The following ADD3 variants were observed in gnomAD, a reference collection of about 807,000 sequenced individuals.
ADD3 encodes gamma-adducin.
In ADD3, 25 loss-of-function variants were observed where a neutral mutation model predicts 80.2. The observed-to-expected ratio is 0.31, with a 90% CI of 0.23 to 0.44. ADD3 has a LOEUF of 0.44. ADD3 is among the 20% of genes least tolerant of loss of function. The probability of loss-of-function intolerance (pLI) is 1.00; values close to 1 mark genes in which losing one functional copy is unlikely to be tolerated. For synonymous variants in ADD3, 284 were observed against 289.6 expected (o/e 0.98, Z 0.20); for missense variants, 829 against 847.5 (o/e 0.98, Z 0.27).
At chr10:110,004,651 T>C (rs543857806), upstream of ADD3, among the ~76,000 whole-genome samples, 10 of 151,962 alleles carry the variant, frequency 6.6e-5, no homozygotes, top group South Asian at 2.1e-3. Flanking sequence ...CTTTACAAAA[T>C]AGGGAACTAA....
At chr10:110,022,408 G>A (rs1335556035) in intron 1 of ADD3, among the ~76,000 whole-genome samples, 1 of 151,904 alleles carries the variant, frequency 6.6e-6, no homozygotes, top group Non-Finnish European at 1.5e-5. Context: ...ATACTGGGTT[G>A]GCTAAAATAT....
At chr10:110,022,022 G>T (rs146679919) in intron 1 of ADD3, among the ~76,000 whole-genome samples, 1 of 152,124 alleles carries the variant, frequency 6.6e-6, no homozygotes, top group Non-Finnish European at 1.5e-5. Context: ...AAGAATTACC[G>T]CACTCAACCT....
At chr10:110,097,412 A>G (rs1218263775) in intron 1 of ADD3, among the ~76,000 whole-genome samples, 2 of 152,128 alleles carry the variant, frequency 1.3e-5, no homozygotes, top group African/African-American at 2.4e-5. Context: ...TTTGTCTTAT[A>G]TTGGATTAAT....
intron 1 of ADD3, among the ~76,000 whole-genome samples, chr10:110,072,103 C>T (rs987443566): frequency 6.6e-6 from 1 of 152,152 alleles, no homozygotes; most frequent in Non-Finnish European, 1.5e-5. Flanking sequence ...TCTCTGTCAC[C>T]CAGGCTGGAG....
chr10:110,128,394 G>A (rs187479830), intron 12 of ADD3, among the ~76,000 whole-genome samples: 21 of 151,268 alleles, frequency 1.4e-4, no homozygotes, highest in Non-Finnish European at 3.0e-4. Flanking sequence ...TTATTTTGAT[G>A]TTAACTTTTT....
chr10:110,042,820 G>A (rs1386866860), intron 1 of ADD3, among the ~76,000 whole-genome samples: 2 of 151,168 alleles, frequency 1.3e-5, no homozygotes, highest in Non-Finnish European at 1.5e-5. Context: ...TTACAGTAAT[G>A]GTAAAGCAGT....
intron 1 of ADD3, among the ~76,000 whole-genome samples, chr10:110,024,015 A>C (rs78436914): frequency 0.011 from 1,741 of 152,300 alleles, 28 homozygotes; most frequent in African/African-American, 0.037. Flanking sequence ...GGACTACTAG[A>C]GGCAGAAGAG....
intron 1 of ADD3, among the ~76,000 whole-genome samples, chr10:110,049,464 C>T (rs148043807): frequency 6.6e-5 from 10 of 152,316 alleles, no homozygotes; most frequent in Non-Finnish European, 1.2e-4. Context: ...GGGAAAGCAG[C>T]CTGAGTGGTG....
intron 1 of ADD3, among the ~76,000 whole-genome samples, chr10:110,093,069 G>A (rs1288648084): frequency 1.3e-5 from 2 of 152,170 alleles, no homozygotes; most frequent in Non-Finnish European, 2.9e-5. Context: ...ATATTTGCCA[G>A]GCTGGTCTCC....
chr10:110,081,260 G>A lies in ADD3; in HGVS notation c.-29-19365G>A, dbSNP rs74154972. ...TTGTTAATTTTCATACGCATTTTTT[G>A]ACATACAATTCCACTTAGCAAAATG... is the stretch of plus-strand genomic sequence containing the variant. On this transcript the variant is annotated intron_variant, in intron 1 of 14. Transcript: ENST00000356080. Among the ~76,000 whole-genome samples, 1,005 of 152,014 alleles carry A rather than the reference G, an allele frequency of 6.6e-3. 13 individuals carry two copies. Among genetic ancestry groups the A allele is most frequent in the African/African-American group, 0.023 (971 of 41,428 alleles).
At chr10:110,040,074 C>G (rs1052757658) in intron 1 of ADD3, among the ~76,000 whole-genome samples, 1 of 152,182 alleles carries the variant, frequency 6.6e-6, no homozygotes, top group Non-Finnish European at 1.5e-5. Context: ...TGAGAAGGGA[C>G]TACACATGGT....
chr10:110,018,586 G>C (rs1853280677), intron 1 of ADD3, among the ~76,000 whole-genome samples: 1 of 140,444 alleles, frequency 7.1e-6, no homozygotes, highest in Middle Eastern at 3.7e-3. Context: ...TCATGGGAAA[G>C]AAGAACAAGG....
chr10:110,004,498 A>G (rs554373318), upstream of ADD3, among the ~76,000 whole-genome samples: 303 of 152,064 alleles, frequency 2.0e-3, no homozygotes, highest in African/African-American at 7.1e-3. Context: ...TTTAGTAGAG[A>G]CAGGGTTTCA....
intron 1 of ADD3, among the ~76,000 whole-genome samples, chr10:110,021,665 A>G: frequency 6.6e-6 from 1 of 152,204 alleles, no homozygotes; most frequent in Non-Finnish European, 1.5e-5. Context: ...AGACATTTAT[A>G]GAGACAGAAG....
chr10:110,110,855 C>T (rs1019586956), intron 2 of ADD3, among the ~76,000 whole-genome samples: 1 of 152,000 alleles, frequency 6.6e-6, no homozygotes, highest in Non-Finnish European at 1.5e-5. Context: ...ATTAGCCGGG[C>T]ATGGTTGTGC....
At chr10:110,109,435 A>G (rs1849742853) in intron 2 of ADD3, among the ~76,000 whole-genome samples, 1 of 151,822 alleles carries the variant, frequency 6.6e-6, no homozygotes, top group African/African-American at 2.4e-5. Context: ...TCTTACCTAT[A>G]TTTATTTTTG....
chr10:110,037,699 C>T (rs890698402), intron 1 of ADD3, among the ~76,000 whole-genome samples: 11 of 151,264 alleles, frequency 7.3e-5, no homozygotes, highest in African/African-American at 2.7e-4. Context: ...CATATCATAA[C>T]ATACACTGCA....
chr10:110,128,790 T>G (rs567177690), intron 12 of ADD3, among the ~76,000 whole-genome samples: 1 of 152,218 alleles, frequency 6.6e-6, no homozygotes, highest in East Asian at 1.9e-4. Flanking sequence ...CTTTACACTT[T>G]CTCTTATTGC....
At chr10:110,121,739 C>T (rs952829030) in intron 8 of ADD3, 1 of 157,336 alleles carries the variant, frequency 6.4e-6, no homozygotes, top group Admixed American at 6.5e-5. Flanking sequence ...ATTCAAAGTA[C>T]AGTGTTTTTG....
Sources: gnomAD v4.1 joint callset for allele counts (sites outside exome capture counted in the v4.1 genomes callset) on GRCh38, gnomAD v4.1.1 for gene constraint, MANE v1.5 for transcripts, NCBI Gene and HGNC (gene_info 2026-07-23, HGNC 2026-07-21) for gene names.